The following SPAG1 variants were observed in gnomAD, a reference collection of about 807,000 sequenced individuals.
SPAG1 encodes the protein sperm-associated antigen 1.
Under a neutral mutation model 100.5 loss-of-function variants are expected in SPAG1, and 69 were observed. That is an observed-to-expected ratio of 0.69 (90% CI 0.57 to 0.84). The LOEUF is 0.84. Ranked by LOEUF, SPAG1 falls within the 40% of genes least tolerant of loss-of-function variation. The pLI is 0.00. For synonymous variants in SPAG1, 336 were observed against 411.6 expected, an observed-to-expected ratio of 0.82 and a Z score of 2.22; for missense variants, 955 against 1,133.1, an observed-to-expected ratio of 0.84 and a Z score of 2.26.
intron 6 of SPAG1, 23 bp downstream of exon 6, chr8:100,184,085 T>C (rs1006751279): frequency 1.9e-6 from 2 of 1,055,308 alleles, no homozygotes; most frequent in African/African-American, 3.4e-5. Context: ...AAAATAATAA[T>C]TTAGTAGTCT....
At position 100,241,664 on chromosome 8, in the gene SPAG1, T is replaced by G. The variant is rs998398329; in HGVS notation, c.*642T>G. On this transcript the variant is annotated 3_prime_UTR_variant, in exon 19 of 19. Coordinates refer to ENST00000388798, the MANE Select transcript of SPAG1 (RefSeq NM_003114.5). The surrounding 1 kb of genome is among the most constrained non-coding windows in gnomAD (Gnocchi z 5.1). Reference sequence around the variant, plus strand: ...TTTACTAGATTTTAAAAAGCTACTTTCTTTTATATTGCCTATATAAGCAAA... The same window carrying G: ...TTTACTAGATTTTAAAAAGCTACTTGCTTTTATATTGCCTATATAAGCAAA... The G allele has an allele frequency of 2.0e-5, 3 of 152,208 alleles. No individual in the cohort carries two copies. The highest frequency in any genetic ancestry group is 4.4e-5 in the Non-Finnish European group (3 of 68,014). 9.4% of individuals were successfully genotyped at this position (152,208 alleles called of 1,614,324 possible).
intron 10 of SPAG1, among the ~76,000 whole-genome samples, chr8:100,212,255 T>G (rs149344284): frequency 2.4e-4 from 37 of 152,304 alleles, no homozygotes; most frequent in African/African-American, 8.7e-4. Flanking sequence ...TTACCATTCA[T>G]GAAAAAGAAT....
chr8:100,163,967 A>G (rs1815431762), intron 2 of SPAG1, among the ~76,000 whole-genome samples: 1 of 152,224 alleles, frequency 6.6e-6, no homozygotes, highest in Non-Finnish European at 1.5e-5. Context: ...GTTTTTTAAA[A>G]TTTAATTTGG....
rs146269301 is a variant in SPAG1 at position 100,192,637 on chromosome 8, A to C, written c.939+1141A>C. Among the ~76,000 whole-genome samples, 328 of 152,344 alleles carry C rather than the reference A, an allele frequency of 2.2e-3. 2 individuals are homozygous for C. The highest frequency in any genetic ancestry group is 7.2e-3 in the African/African-American group (301 of 41,584). ...ACCTATCCCACTGTCTCTGAGTGGC[A>C]GCTAATGTTCCTAGAATATCAGCTG... On this transcript the variant is annotated intron_variant, in intron 9 of 18. Transcript: ENST00000388798.
chr8:100,186,848 T>C (rs991619817), intron 7 of SPAG1, among the ~76,000 whole-genome samples: 1 of 152,122 alleles, frequency 6.6e-6, no homozygotes, highest in African/African-American at 2.4e-5. Context: ...TATGTCCAAA[T>C]ATCTTCTTCT....
chr8:100,227,105 A>G (rs929124164), intron 14 of SPAG1, among the ~76,000 whole-genome samples: 4 of 152,252 alleles, frequency 2.6e-5, no homozygotes, highest in African/African-American at 9.6e-5. Flanking sequence ...ACCACACTCT[A>G]TGATGTTTGC....
intron 3 of SPAG1, among the ~76,000 whole-genome samples, chr8:100,168,559 A>AT (rs552968507): frequency 0.086 from 11,739 of 136,864 alleles, 508 homozygotes; most frequent in Non-Finnish European, 0.11. Flanking sequence ...ACACCTGGCT[A>AT]TTTTTTTTTT....
At chr8:100,209,904 A>T (rs1373554553) in intron 10 of SPAG1, among the ~76,000 whole-genome samples, 2 of 151,304 alleles carry the variant, frequency 1.3e-5, no homozygotes, top group Non-Finnish European at 3.0e-5. Flanking sequence ...AAGGGGGTGG[A>T]TTCTTTTTTT....
At chr8:100,204,439 T>C (rs1817421271) in intron 10 of SPAG1, among the ~76,000 whole-genome samples, 1 of 152,114 alleles carries the variant, frequency 6.6e-6, no homozygotes, top group African/African-American at 2.4e-5. Flanking sequence ...AACATAGAGT[T>C]GGATCAGGCT....
At chr8:100,233,558 A>G in intron 16 of SPAG1, 21 bp downstream of exon 16, 1 of 1,563,712 alleles carries the variant, frequency 6.4e-7, no homozygotes, top group East Asian at 2.4e-5. Flanking sequence ...CTTCATTTTA[A>G]TGCATAAACT....
intron 10 of SPAG1, among the ~76,000 whole-genome samples, chr8:100,208,798 G>T (rs1817609709): frequency 6.6e-6 from 1 of 152,122 alleles, no homozygotes; most frequent in African/African-American, 2.4e-5. Flanking sequence ...ATTTCTGGTT[G>T]TACAAAGGAT....
intron 13 of SPAG1, among the ~76,000 whole-genome samples, chr8:100,222,168 A>C (rs1399748308): frequency 6.6e-6 from 1 of 152,078 alleles, no homozygotes; most frequent in African/African-American, 2.4e-5. Context: ...CTTCTCATCT[A>C]TCAGGAGAGG....
chr8:100,207,015 C>T (rs1377915954), intron 10 of SPAG1, among the ~76,000 whole-genome samples: 1 of 152,198 alleles, frequency 6.6e-6, no homozygotes, highest in Non-Finnish European at 1.5e-5. Flanking sequence ...CAGTGGAGGC[C>T]TCTAGGATTT....
At chr8:100,160,256 G>A (rs1199111897) in intron 1 of SPAG1, among the ~76,000 whole-genome samples, 1 of 152,186 alleles carries the variant, frequency 6.6e-6, no homozygotes, top group Non-Finnish European at 1.5e-5. Flanking sequence ...CTGGAGCTGT[G>A]AGGATAAATA....
chr8:100,226,065 C>G (rs1279485527), intron 14 of SPAG1, among the ~76,000 whole-genome samples: 1 of 149,790 alleles, frequency 6.7e-6, no homozygotes, highest in South Asian at 2.1e-4. Context: ...GGTGTGACCT[C>G]GGCTCACTGC....
chr8:100,163,395 C>CT (rs1258721792), intron 2 of SPAG1, among the ~76,000 whole-genome samples: 1 of 150,914 alleles, frequency 6.6e-6, no homozygotes, highest in Non-Finnish European at 1.5e-5. Context: ...GATTTCTTTT[C>CT]TTTCTTTCTT....
chr8:100,219,441 G>T (rs944583297), intron 12 of SPAG1, among the ~76,000 whole-genome samples: 3 of 152,164 alleles, frequency 2.0e-5, no homozygotes, highest in Admixed American at 6.6e-5. Context: ...TGTTGATTTT[G>T]TTAAAACCAA....
chr8:100,177,415 T>C (rs1816177095), intron 3 of SPAG1, among the ~76,000 whole-genome samples: 1 of 152,184 alleles, frequency 6.6e-6, no homozygotes, highest in Admixed American at 6.5e-5. Flanking sequence ...ATACTGCATC[T>C]TCATGTCTTT....
Position 100,241,238 on chromosome 8 carries a change from G to T in SPAG1, c.*216G>T. 2.8e-6 allele frequency: 1 copy of T among 362,748 alleles called. No individual in the cohort carries two copies. The highest frequency in any genetic ancestry group is 4.9e-6 in the Non-Finnish European group (1 of 204,556). 22.5% of individuals were successfully genotyped at this position (362,748 alleles called of 1,614,324 possible). A position where few individuals can be genotyped will look rare whatever the true frequency, so the allele number is the denominator to read the frequency against. ...TTTCTTATGTACCAGAACCAAATAA[G>T]TATATTTAGAACTTGTTAAAAATAC... On this transcript the variant is annotated 3_prime_UTR_variant, in exon 19 of 19. Coordinates refer to ENST00000388798, the MANE Select transcript of SPAG1 (RefSeq NM_003114.5). The surrounding 1 kb of genome is among the most constrained non-coding windows in gnomAD (Gnocchi z 5.1).
Sources: gnomAD v4.1 joint callset for allele counts (sites outside exome capture counted in the v4.1 genomes callset) on GRCh38, gnomAD v4.1.1 for gene constraint, Gnocchi (gnomAD v3.1) non-coding constraint, MANE v1.5 for transcripts, NCBI Gene and HGNC (gene_info 2026-07-23, HGNC 2026-07-21) for gene names.